The following TACC2 variants were observed in gnomAD, a reference collection of about 807,000 sequenced individuals.
TACC2 encodes transforming acidic coiled-coil-containing protein 2.
TACC2 carries 137 observed loss-of-function variants against 227.3 expected under a neutral mutation model. The ratio of observed to expected loss-of-function variants is 0.60; its 90% CI spans 0.52 to 0.69. TACC2 has a LOEUF of 0.69. Among genes scored for constraint, TACC2 ranks in the 30% least tolerant of loss-of-function variants. TACC2 has a pLI of 0.00. For synonymous variants in TACC2, 1,523 were observed against 1,487.5 expected, an observed-to-expected ratio of 1.02 and a Z score of -0.55; for missense variants, 3,470 against 3,694.4, an observed-to-expected ratio of 0.94 and a Z score of 1.57.
chr10:121,996,966 C>T (rs531702885), intron 1 of TACC2, among the ~76,000 whole-genome samples: 26 of 152,034 alleles, frequency 1.7e-4, no homozygotes, highest in African/African-American at 5.5e-4. Context: ...GTTGGCTTCA[C>T]TGAGAGGGTG....
intron 5 of TACC2, among the ~76,000 whole-genome samples, chr10:122,115,656 T>C (rs1381140273): frequency 6.6e-6 from 1 of 152,208 alleles, no homozygotes; most frequent in Non-Finnish European, 1.5e-5. Flanking sequence ...GTCTCTGGGC[T>C]TGCCCAGCTC....
rs1312516921 is a variant in TACC2 at position 122,141,989 on chromosome 10, A to G, written c.5700-1583A>G. Among the ~76,000 whole-genome samples, 1 of 152,218 alleles carries G rather than the reference A, an allele frequency of 6.6e-6. No individual in the cohort carries two copies. The highest frequency in any genetic ancestry group is 2.1e-4 in the South Asian group (1 of 4,830). Reference sequence around the variant, plus strand: ...ATGCCTCTGGTAGTTTGCATTATTCATTTTGAGTCATTCTTTTACAAAATG... The same window carrying G: ...ATGCCTCTGGTAGTTTGCATTATTCGTTTTGAGTCATTCTTTTACAAAATG... On this transcript the variant is annotated intron_variant, in intron 6 of 22. Transcript: ENST00000369005. This position sits in a 1 kb window ranked among gnomAD's most constrained non-coding sequence, Gnocchi z 4.3.
chr10:122,253,900 G>A (rs1564914048), intron 22 of TACC2, 91 bp from the exon 23 acceptor site: 1 of 1,030,218 alleles, frequency 9.7e-7, no homozygotes, highest in Non-Finnish European at 1.5e-6. Context: ...CAAGGGGCCT[G>A]GTGGTCCCCC....
intron 1 of TACC2, among the ~76,000 whole-genome samples, chr10:122,012,856 G>A (rs548838542): frequency 3.3e-5 from 5 of 152,220 alleles, no homozygotes; most frequent in South Asian, 4.1e-4. Flanking sequence ...CTGCAAACTC[G>A]GTTCTTTCAC....
intron 3 of TACC2, among the ~76,000 whole-genome samples, chr10:122,071,731 A>AT (rs2078083151): frequency 6.7e-6 from 1 of 148,684 alleles, no homozygotes; most frequent in African/African-American, 2.5e-5. Context: ...AAAAAAAAAA[A>AT]AAAAAGTGAT....
Position 122,141,006 on chromosome 10 carries a change from C to T in TACC2, c.5700-2566C>T, listed in dbSNP as rs749608585. ...GAGGGGACAAAACGGAAAGCAGGCA[C>T]AGCAGGATAGCCCAGGAGTCCTGCT... On this transcript the variant is annotated intron_variant, in intron 6 of 22. Coordinates refer to ENST00000369005, the MANE Select transcript of TACC2 (RefSeq NM_206862.4). The surrounding 1 kb of genome is among the most constrained non-coding windows in gnomAD (Gnocchi z 4.3). Among the ~76,000 whole-genome samples, 1 of 152,128 alleles carries T rather than the reference C, an allele frequency of 6.6e-6. No homozygotes were observed. The highest frequency in any genetic ancestry group is 1.5e-5 in the Non-Finnish European group (1 of 68,028).
chr10:122,019,043 A>G (rs1333292113), intron 1 of TACC2, among the ~76,000 whole-genome samples: 2 of 152,238 alleles, frequency 1.3e-5, no homozygotes, highest in Non-Finnish European at 2.9e-5. Context: ...AACTGGTTGC[A>G]TGCATGCAAA....
chr10:122,145,109 T>C (rs2091195653), intron 7 of TACC2, among the ~76,000 whole-genome samples: 1 of 152,242 alleles, frequency 6.6e-6, no homozygotes, highest in South Asian at 2.1e-4. Context: ...TCTCAAATAT[T>C]CTGCCCTTCA....
chr10:122,106,611 T>C (rs557221791), intron 5 of TACC2, among the ~76,000 whole-genome samples: 6 of 152,364 alleles, frequency 3.9e-5, no homozygotes, highest in Middle Eastern at 3.4e-3. Context: ...TTTTGTATTC[T>C]GCAGGACTCC....
At chr10:122,030,668 C>T (rs1237954973) in intron 2 of TACC2, among the ~76,000 whole-genome samples, 1 of 151,250 alleles carries the variant, frequency 6.6e-6, no homozygotes, top group African/African-American at 2.4e-5. Context: ...TTTCACTTCT[C>T]CAACCTCAGC....
At chr10:122,162,192 C>T (rs1014632677) in intron 7 of TACC2, among the ~76,000 whole-genome samples, 9 of 152,206 alleles carry the variant, frequency 5.9e-5, no homozygotes, top group African/African-American at 2.2e-4. Context: ...TGTTGATCCT[C>T]TGGCATTCTG....
At chr10:122,247,892 C>T (rs1037844486) in intron 19 of TACC2, 1 of 152,180 alleles carries the variant, frequency 6.6e-6, no homozygotes, top group Non-Finnish European at 1.5e-5. Flanking sequence ...TGCCCCAAAT[C>T]TAAAAATATA....
At chr10:122,011,314 T>G (rs1163018337) in intron 1 of TACC2, among the ~76,000 whole-genome samples, 3 of 151,996 alleles carry the variant, frequency 2.0e-5, no homozygotes, top group Admixed American at 6.6e-5. Flanking sequence ...GCTCTTATGT[T>G]TTTTGTTTGT....
At chr10:122,246,743 C>G (rs1342601535) in intron 19 of TACC2, 1 of 152,302 alleles carries the variant, frequency 6.6e-6, no homozygotes, top group African/African-American at 2.4e-5. Context: ...GTGGACAAAA[C>G]AGACTCTGGT....
chr10:122,059,542 C>G (rs2076570955), intron 3 of TACC2, among the ~76,000 whole-genome samples: 1 of 140,206 alleles, frequency 7.1e-6, no homozygotes, highest in Non-Finnish European at 1.5e-5. Context: ...GACTCATGCC[C>G]CCTCTCCTGT....
At chr10:122,091,699 A>G (rs936240626) in intron 5 of TACC2, among the ~76,000 whole-genome samples, 1 of 151,976 alleles carries the variant, frequency 6.6e-6, no homozygotes, top group Non-Finnish European at 1.5e-5. Flanking sequence ...GAAGCCGTGC[A>G]CGTGGACCTG....
At chr10:122,192,693 C>T (rs1389576064) in intron 7 of TACC2, 3 of 456,704 alleles carry the variant, frequency 6.6e-6, no homozygotes, top group South Asian at 3.1e-5. Flanking sequence ...CCTATGCCTC[C>T]TGGCAGAGGT....
At position 122,074,635 on chromosome 10, in the gene TACC2, C is replaced by G. The variant is rs564963237; in HGVS notation, c.147-8012C>G. Among the ~76,000 whole-genome samples the G allele has an allele frequency of 4.6e-5, 7 of 152,180 alleles. No individual in the cohort carries two copies. In the South Asian group the frequency reaches 1.5e-3, roughly 32 times the overall value. On this transcript the variant is annotated intron_variant, in intron 3 of 22. Transcript: ENST00000369005. ...GAGAGAGTTGGGAGTGGGTCAAATACAGGGATTAGAGTGCTGGAGAGAATT... is the reference window on the plus strand; with the variant it reads ...GAGAGAGTTGGGAGTGGGTCAAATAGAGGGATTAGAGTGCTGGAGAGAATT...
chr10:121,993,435 G>A (rs917210277), intron 1 of TACC2, among the ~76,000 whole-genome samples: 4 of 152,224 alleles, frequency 2.6e-5, no homozygotes, highest in Non-Finnish European at 4.4e-5. Flanking sequence ...TGAGAGGGAA[G>A]TCTTCCTCTT....
Sources: allele counts gnomAD v4.1 joint callset (sites outside exome capture counted in the v4.1 genomes callset), GRCh38; gene constraint gnomAD v4.1.1; non-coding constraint Gnocchi (gnomAD v3.1); transcripts MANE v1.5; gene names NCBI Gene and HGNC (gene_info 2026-07-23, HGNC 2026-07-21).